Variants in ATP8B1 observed in about 807,000 individuals in gnomAD.
The protein encoded by ATP8B1 is ATPase phospholipid transporting 8B1.
Under a neutral mutation model 149.9 loss-of-function variants are expected in ATP8B1, and 80 were observed. That is an observed-to-expected ratio of 0.53 (90% CI 0.45 to 0.64). ATP8B1 has a LOEUF of 0.64. ATP8B1 is among the 30% of genes least tolerant of loss of function. The pLI is 0.00. For synonymous variants in ATP8B1, 536 were observed against 562.8 expected (o/e 0.95, Z 0.67); for missense variants, 1,247 against 1,552.6 (o/e 0.80, Z 3.31).
chr18:57,785,322 A>G (rs7240802), intron 1 of ATP8B1, among the ~76,000 whole-genome samples: 57,540 of 152,122 alleles, frequency 0.38, 14,226 homozygotes, highest in African/African-American at 0.7. Context: ...TTTATTTCAA[A>G]TAACATTTGT....
intron 20 of ATP8B1, among the ~76,000 whole-genome samples, chr18:57,663,761 A>ATTTTTTTTTTTTTTTTTTTTTTTTTTTT (rs10598900): frequency 2.1e-5 from 2 of 97,464 alleles, no homozygotes; most frequent in Non-Finnish European, 3.8e-5. Context: ...TGCTTTGCCC[A>ATTTTTTTTTTTTTTTTTTTTTTTTTTTT]TTTTTTTTTT....
intron 8 of ATP8B1, 90 bp downstream of exon 8, chr18:57,697,528 A>G: frequency 7.2e-7 from 1 of 1,379,326 alleles, no homozygotes; most frequent in South Asian, 1.2e-5. Context: ...GCCAGATATC[A>G]AGCCGTCTGG....
intron 1 of ATP8B1, among the ~76,000 whole-genome samples, chr18:57,786,797 A>G (rs115156780): frequency 0.014 from 2,061 of 152,334 alleles, 47 homozygotes; most frequent in African/African-American, 0.047. Flanking sequence ...CTTTATTTCA[A>G]AAACACAATG....
Position 57,759,155 on chromosome 18 carries a change from C to CAAAA in ATP8B1, c.-25-27327_-25-27324dup, listed in dbSNP as rs566728161. Among the ~76,000 whole-genome samples, 1,030 of 106,194 alleles carry CAAAA rather than the reference C, an allele frequency of 9.7e-3. 37 individuals are homozygous for CAAAA. The highest frequency in any genetic ancestry group is 0.014 in the Non-Finnish European group (781 of 53,976). The allele number at this position is 106,194 out of a possible 152,430, so 69.7% of individuals were successfully genotyped here. A position where few individuals can be genotyped will look rare whatever the true frequency, so the allele number is the denominator to read the frequency against. On this transcript the variant is annotated intron_variant, in intron 1 of 27. Transcript: ENST00000648908. ...TGGGCGACAGAACGAGATTCCATCT[C>CAAAA]AAAAAAAAAAAAAAAAAAAAAAAAA...
intron 1 of ATP8B1, among the ~76,000 whole-genome samples, chr18:57,793,564 G>A (rs1277632171): frequency 6.6e-6 from 1 of 152,032 alleles, no homozygotes; most frequent in Non-Finnish European, 1.5e-5. Flanking sequence ...AGCCCTGCAA[G>A]ACCTGGCTCC....
intron 2 of ATP8B1, among the ~76,000 whole-genome samples, chr18:57,711,806 T>A (rs749859626): frequency 1.3e-5 from 2 of 152,100 alleles, no homozygotes; most frequent in Non-Finnish European, 2.9e-5. Flanking sequence ...ACCAGGCTGG[T>A]CTTGAACTGC....
At chr18:57,678,431 T>G (rs1191875514) in intron 15 of ATP8B1, among the ~76,000 whole-genome samples, 1 of 151,002 alleles carries the variant, frequency 6.6e-6, no homozygotes, top group Non-Finnish European at 1.5e-5. Context: ...ACTAAAAATG[T>G]AAAAAATTAG....
At chr18:57,713,390 G>T (rs1913831514) in intron 2 of ATP8B1, among the ~76,000 whole-genome samples, 1 of 151,212 alleles carries the variant, frequency 6.6e-6, no homozygotes, top group African/African-American at 2.4e-5. Context: ...TGTGCCTCCT[G>T]GGTTCAAGCA....
rs915927095 is a variant in ATP8B1 at position 57,776,203 on chromosome 18, C to T, written c.-26+26795G>A. On this transcript the variant is annotated intron_variant, in intron 1 of 27. Coordinates refer to ENST00000648908, the MANE Select transcript of ATP8B1 (RefSeq NM_001374385.1). ...TTGATGATTCAATTCCATTTGGAACCGATACTACACGTTAAGGAAACAAAA... is the reference window on the plus strand; with the variant it reads ...TTGATGATTCAATTCCATTTGGAACTGATACTACACGTTAAGGAAACAAAA... Among the ~76,000 whole-genome samples, 7 of 151,990 alleles carry T rather than the reference C, an allele frequency of 4.6e-5. No individual in the cohort carries two copies. In the South Asian group the frequency reaches 6.2e-4, roughly 14 times the overall value.
In ATP8B1 at chr18:57,648,623, C is replaced by G; in HGVS notation, c.3621G>C (p.Ser1207=). 5.6e-6 allele frequency: 9 copies of G among 1,607,176 alleles called. No individual in the cohort carries two copies. The highest frequency in any genetic ancestry group is 7.6e-6 in the Non-Finnish European group (9 of 1,177,972). ...VFRRGVSTRR[S]AYAFSHQRGY... is the part of the protein sequence containing the mutation. ...CCCGCTGGTGCGAGAAGGCGTAGGC[C>G]GAGCGCCGCGTTGACACGCCCCGGC... Residue 1207 remains serine (S), a synonymous_variant, in exon 28 of 28, where the codon TCG becomes TCC. Coordinates refer to ENST00000648908, the MANE Select transcript of ATP8B1 (RefSeq NM_001374385.1).
chr18:57,713,199 C>CTTTCTTT (rs748974327), intron 2 of ATP8B1, among the ~76,000 whole-genome samples: 5 of 64,070 alleles, frequency 7.8e-5, no homozygotes, highest in Non-Finnish European at 1.6e-4. Context: ...TTCTTTCTTT[C>CTTTCTTT]CTTCCTTCCT....
intron 2 of ATP8B1, among the ~76,000 whole-genome samples, chr18:57,724,130 C>G (rs2079679906): frequency 6.6e-6 from 1 of 150,724 alleles, no homozygotes; most frequent in Admixed American, 6.6e-5. Context: ...AACGTTAGAC[C>G]TAAAACCATA....
intron 3 of ATP8B1, among the ~76,000 whole-genome samples, chr18:57,705,127 C>A (rs998618605): frequency 2.6e-5 from 4 of 152,154 alleles, no homozygotes; most frequent in Admixed American, 1.3e-4. Context: ...GCTTTTAATT[C>A]TAGCCAAGCA....
intron 12 of ATP8B1, 41 bp from the exon 13 acceptor site, chr18:57,688,548 A>G (rs1912377099): frequency 4.4e-6 from 7 of 1,592,024 alleles, no homozygotes; most frequent in Non-Finnish European, 6.0e-6. Flanking sequence ...GAGCTCGGAT[A>G]CGAGTGGCAA....
intron 1 of ATP8B1, among the ~76,000 whole-genome samples, chr18:57,794,637 A>G (rs1043394045): frequency 6.6e-6 from 1 of 151,964 alleles, no homozygotes; most frequent in Non-Finnish European, 1.5e-5. Context: ...AGAATGGCAT[A>G]TGACGGTCAT....
At chr18:57,753,375 C>A (rs967503298) in intron 1 of ATP8B1, among the ~76,000 whole-genome samples, 1 of 152,184 alleles carries the variant, frequency 6.6e-6, no homozygotes, top group African/African-American at 2.4e-5. Context: ...TGGCCATGAA[C>A]AAGGGGGTTC....
intron 18 of ATP8B1, 138 bp from the exon 19 acceptor site, chr18:57,668,678 G>C: frequency 1.6e-6 from 1 of 609,746 alleles, no homozygotes. Context: ...CCAATGGCCA[G>C]TGTTAACAGG....
At chr18:57,674,064 C>T (rs1009928179) in intron 16 of ATP8B1, among the ~76,000 whole-genome samples, 2 of 151,734 alleles carry the variant, frequency 1.3e-5, no homozygotes, top group African/African-American at 2.4e-5. Context: ...AGAAATGTTC[C>T]ACCTGCTGCC....
At position 57,671,477 on chromosome 18, in the gene ATP8B1, A is replaced by G. The variant is rs779385597; in HGVS notation, c.1923T>C (p.Asp641=). The G allele has an allele frequency of 2.5e-6, 4 of 1,610,352 alleles. No individual in the cohort carries two copies. Among genetic ancestry groups the G allele is most frequent in the South Asian group, 1.1e-5 (1 of 91,010 alleles). ...TAAAAGTGAAACTTACATCCAGGGC[A>G]TCCTGTGTTTCTTGCTTAGTAGGAT... The part of the protein sequence containing the change: ...RMNPTKQETQ[D]ALDIFANETL... Residue 641 remains aspartate (D), a synonymous_variant, in exon 17 of 28, where the codon GAT becomes GAC. Coordinates refer to ENST00000648908, the MANE Select transcript of ATP8B1 (RefSeq NM_001374385.1).
Sources: allele counts gnomAD v4.1 joint callset (sites outside exome capture counted in the v4.1 genomes callset), GRCh38; gene constraint gnomAD v4.1.1; transcripts MANE v1.5; gene names NCBI Gene and HGNC (gene_info 2026-07-23, HGNC 2026-07-21).